Variants in RYR1 observed in about 807,000 individuals in gnomAD.
The protein encoded by RYR1 is central core disease of muscle.
RYR1 carries 342 observed loss-of-function variants against 583.5 expected under a neutral mutation model. The observed-to-expected ratio is 0.59, with a 90% CI of 0.54 to 0.64. The LOEUF is 0.64. Ranked by LOEUF, RYR1 falls within the 30% of genes least tolerant of loss-of-function variation. The probability of loss-of-function intolerance (pLI) is 0.00; values close to 1 mark genes in which losing one functional copy is unlikely to be tolerated. For missense variants in RYR1, 6,032 were observed against 6,917.2 expected (o/e 0.87, Z 4.54); for synonymous variants, 2,791 against 2,822.5 (o/e 0.99, Z 0.35).
rs151063086 is a variant in RYR1 at position 38,494,509 on chromosome 19, C to A, written c.6432C>A (p.Ile2144=). The change falls in exon 39 of 106, where the codon ATC becomes ATA. Residue 2144 remains isoleucine, a synonymous_variant. Coordinates refer to ENST00000359596, the MANE Select transcript of RYR1 (RefSeq NM_000540.3). ...GTGCCCTGCCGCGGGCGTACACCAT[C>A]TCACCGTCCTCCGTGGAAGACACCA... ...LLRALPRAYT[I]SPSSVEDTMS... The A allele has an allele frequency of 6.2e-7, 1 of 1,613,672 alleles. No homozygotes were observed. Among genetic ancestry groups the A allele is most frequent in the Non-Finnish European group, 8.5e-7 (1 of 1,180,048 alleles).
In RYR1 at chr19:38,517,415, C is replaced by T. The variant is rs761656403; in HGVS notation, c.9742C>T (p.Arg3248Trp). 21 of 1,613,946 alleles carry T rather than the reference C, an allele frequency of 1.3e-5. No individual in the cohort carries two copies. Among genetic ancestry groups the T allele is most frequent in the East Asian group, 4.5e-5 (2 of 44,890 alleles). Reference sequence around the variant, plus strand: ...GTGTCCCGACATCCCGGTGCTGGAGCGGCTCATGGCAGACATTGGGGGGCT... The same window carrying T: ...GTGTCCCGACATCCCGGTGCTGGAGTGGCTCATGGCAGACATTGGGGGGCT... ...EMCPDIPVLE[R>W]LMADIGGLAE... is the part of the protein sequence containing the mutation. Residue 3248 changes from arginine to tryptophan, a missense_variant, in exon 66 of 106, where the codon CGG (arginine) becomes TGG (tryptophan). Around this residue, in one of 11 missense-constraint regions of RYR1, gnomAD observed 1,493 missense variants for 1,715.5 expected, o/e 0.87. Transcript: ENST00000359596.
At position 38,505,814 on chromosome 19, in the gene RYR1, G is replaced by T. The variant is rs755616009; in HGVS notation, c.8409G>T (p.Glu2803Asp). The change falls in exon 54 of 106, where the codon GAG becomes GAT. Residue 2803 changes from glutamate to aspartate, a missense_variant. Physicochemically the swap from Glu to Asp is conservative, Grantham distance 45 (BLOSUM62 2). Around this residue, in one of 11 missense-constraint regions of RYR1, gnomAD observed 1,493 missense variants for 1,715.5 expected, o/e 0.87. Coordinates refer to ENST00000359596, the MANE Select transcript of RYR1 (RefSeq NM_000540.3). ...CCTCCTGTCCACCCCAGGACAAAGA[G>T]ATTTACCGCTGGCCCATCAAGGAGT... ...PYKTFSEKDK[E>D]IYRWPIKESL... is the part of the protein sequence containing the mutation. The T allele has an allele frequency of 1.9e-6, 3 of 1,614,022 alleles. No individual in the cohort carries two copies. In the East Asian group the frequency reaches 6.7e-5, roughly 36 times the overall value.
chr19:38,478,642 C>T, intron 31 of RYR1, 42 bp downstream of exon 31: 1 of 1,599,804 alleles, frequency 6.3e-7, no homozygotes, highest in Non-Finnish European at 8.5e-7. Flanking sequence ...CATCATGTCC[C>T]AGCATCCCAG....
rs1972045284 is a variant in RYR1 at position 38,537,941 on chromosome 19, C to CT, written c.11671dup (p.Cys3891LeufsTer2). 1 of 1,573,066 alleles carries CT rather than the reference C, an allele frequency of 6.4e-7. No homozygotes were observed. The highest frequency in any genetic ancestry group is 2.4e-5 in the East Asian group (1 of 42,236). ...ACCTGTTCCGATTCCTACAATTGCT[C>CT]TGTGAGGGGCACAATAATGGTGAGG... On this transcript the variant is annotated frameshift_variant, in exon 84 of 106. Coordinates refer to ENST00000359596, the MANE Select transcript of RYR1 (RefSeq NM_000540.3). LOFTEE classifies it high-confidence loss of function.
intron 31 of RYR1, among the ~76,000 whole-genome samples, chr19:38,480,383 A>G (rs1054368924): frequency 6.6e-6 from 1 of 151,890 alleles, no homozygotes; most frequent in Non-Finnish European, 1.5e-5. Context: ...GGCTCAAGCA[A>G]TCCTCCTGCC....
chr19:38,577,827 G>A, intron 97 of RYR1, 91 bp from the exon 98 acceptor site: 6 of 1,558,660 alleles, frequency 3.8e-6, no homozygotes. Context: ...TTCTCACTCA[G>A]AGTTTGGAGT....
Position 38,483,134 on chromosome 19 carries a change from G to C in RYR1, c.4707+21G>C. 1 of 1,610,906 alleles carries C rather than the reference G, an allele frequency of 6.2e-7. No homozygotes were observed. Among genetic ancestry groups the C allele is most frequent in the African/African-American group, 1.3e-5 (1 of 74,932 alleles). On this transcript the variant is annotated intron_variant, in intron 32 of 105. Coordinates refer to ENST00000359596, the MANE Select transcript of RYR1 (RefSeq NM_000540.3). The surrounding 1 kb of genome is among the most constrained non-coding windows in gnomAD (Gnocchi z 6.3). ...AGAAGGTACAAGTGCAGTGATGGGG[G>C]CACTAATGGGGCCAGGCTGAGGCAG...
chr19:38,555,546 C>T (rs1220826437), intron 89 of RYR1, among the ~76,000 whole-genome samples: 1 of 151,584 alleles, frequency 6.6e-6, no homozygotes, highest in Non-Finnish European at 1.5e-5. Context: ...ACCACAATGT[C>T]ATCACTCCTA....
At chr19:38,474,567 T>TA (rs1968614746) in intron 28 of RYR1, among the ~76,000 whole-genome samples, 1 of 117,290 alleles carries the variant, frequency 8.5e-6, no homozygotes, top group African/African-American at 3.5e-5. Flanking sequence ...CCGGCTCCTT[T>TA]TTTTTTTTTT....
chr19:38,499,592 G>C lies in RYR1; in HGVS notation c.7028-43G>C. On this transcript the variant is annotated intron_variant, in intron 43 of 105. Coordinates refer to ENST00000359596, the MANE Select transcript of RYR1 (RefSeq NM_000540.3). The surrounding 1 kb of genome is among the most constrained non-coding windows in gnomAD (Gnocchi z 7.3). ...CCTGGGGCTGCATGGGGAGGTCTCT[G>C]ATGGTGGCTCATGAGACCCCCTTTC... 6.3e-7 allele frequency: 1 copy of C among 1,591,586 alleles called. No homozygotes were observed. The highest frequency in any genetic ancestry group is 1.3e-5 in the African/African-American group (1 of 74,844).
At position 38,473,593 on chromosome 19, in the gene RYR1, G is replaced by C. The variant is rs1600730515; in HGVS notation, c.3982G>C (p.Asp1328His). The C allele has an allele frequency of 6.3e-7, 1 of 1,583,184 alleles. No individual in the cohort carries two copies. Among genetic ancestry groups the C allele is most frequent in the South Asian group, 1.1e-5 (1 of 87,742 alleles). ...GGACGAGGCCCGGGCGGCGGAACCC[G>C]ACCCTGACTACGAAAACCTGCGCCG... ...AEDEARAAEP[D>H]PDYENLRRSA... is the part of the protein sequence containing the mutation. Residue 1328 changes from aspartate to histidine, a missense_variant, in exon 28 of 106, where the codon GAC becomes CAC. Physicochemically the swap from Asp to His is moderately conservative, Grantham distance 81. Coordinates refer to ENST00000359596, the MANE Select transcript of RYR1 (RefSeq NM_000540.3).
intron 26 of RYR1, 23 bp from the exon 27 acceptor site, chr19:38,469,282 G>A: frequency 1.2e-6 from 2 of 1,612,612 alleles, no homozygotes; most frequent in South Asian, 2.2e-5. Context: ...CCTCACCCCT[G>A]CCCATCCATC....
chr19:38,565,450 G>A lies in RYR1; in HGVS notation c.13116G>A (p.Lys4372=), dbSNP rs1861074691. 1 of 1,498,506 alleles carries A rather than the reference G, an allele frequency of 6.7e-7. No homozygotes were observed. Among genetic ancestry groups the A allele is most frequent in the Non-Finnish European group, 8.8e-7 (1 of 1,131,242 alleles). The allele number at this position is 1,498,506 out of a possible 1,614,324, so 92.8% of individuals were successfully genotyped here. ...LFGGGLVEGA[K]KVTVTELLAG... ...GCGGCGGCCTGGTGGAGGGCGCCAA[G>A]AAGGTGACGGTGACCGAGCTCCTGG... is the stretch of plus-strand genomic sequence containing the variant. The change falls in exon 91 of 106, where the codon AAG becomes AAA. Residue 4372 remains lysine (K), a synonymous_variant. Transcript: ENST00000359596. This position sits in a 1 kb window ranked among gnomAD's most constrained non-coding sequence, Gnocchi z 4.7.
intron 49 of RYR1, 141 bp from the exon 50 acceptor site, chr19:38,504,079 T>G: frequency 1.1e-6 from 1 of 916,116 alleles, no homozygotes; most frequent in South Asian, 1.5e-5. Context: ...ATTTCTTCCC[T>G]TATTAGCATA....
chr19:38,439,906 A>G (rs941414140), intron 1 of RYR1, among the ~76,000 whole-genome samples: 8 of 152,212 alleles, frequency 5.3e-5, no homozygotes, highest in Non-Finnish European at 1.2e-4. Context: ...ATAAAATAGC[A>G]GTCTATTATT....
In RYR1 at chr19:38,440,821, T is replaced by C. The variant is rs766407858; in HGVS notation, c.122T>C (p.Phe41Ser). 7 of 1,610,122 alleles carry C rather than the reference T, an allele frequency of 4.3e-6. No individual in the cohort carries two copies. The Admixed American group carries it at 8.4e-5, about 19-fold the overall frequency. ...QLKLCLAAEG[F>S]GNRLCFLEPT... ...AAGCTCTGCCTGGCCGCCGAGGGCT[T>C]CGGCAACCGCCTGTGCTTCCTGGAG... The change falls in exon 2 of 106, where the codon TTC (phenylalanine) becomes TCC (serine). Residue 41 changes from phenylalanine to serine, a missense_variant. Physicochemically the swap from Phe to Ser is radical, Grantham distance 155 (BLOSUM62 -2). Transcript: ENST00000359596.
intron 69 of RYR1, chr19:38,523,706 G>T: frequency 1.6e-6 from 1 of 642,344 alleles, no homozygotes; most frequent in Non-Finnish European, 2.8e-6. Flanking sequence ...CCCATTTCCT[G>T]CTTTCCTCCC....
At chr19:38,438,474 C>T (rs921748098) in intron 1 of RYR1, among the ~76,000 whole-genome samples, 2 of 151,422 alleles carry the variant, frequency 1.3e-5, no homozygotes, top group Non-Finnish European at 2.9e-5. Flanking sequence ...ACTGCAGCCT[C>T]GATTTCCCAG....
chr19:38,541,367 G>T (rs917747400), intron 84 of RYR1, among the ~76,000 whole-genome samples: 1 of 152,130 alleles, frequency 6.6e-6, no homozygotes, highest in African/African-American at 2.4e-5. Context: ...CTTCTCTTTC[G>T]GGAATAGGTG....
Sources: allele counts gnomAD v4.1 joint callset (sites outside exome capture counted in the v4.1 genomes callset), GRCh38; gene constraint gnomAD v4.1.1; regional missense constraint gnomAD v4.1.1; non-coding constraint Gnocchi (gnomAD v3.1); transcripts MANE v1.5; gene names NCBI Gene and HGNC (gene_info 2026-07-23, HGNC 2026-07-21).